NUP214: variants seen among roughly 807,000 people sequenced by gnomAD.
NUP214 encodes the protein nucleoporin 214.
In NUP214, 79 loss-of-function variants were observed where a neutral mutation model predicts 196.2. That is an observed-to-expected ratio of 0.40 (90% CI 0.34 to 0.49). The LOEUF is 0.49. NUP214 is among the 20% of genes least tolerant of loss of function. The pLI is 0.58. For synonymous variants in NUP214, 1,020 were observed against 990.5 expected (o/e 1.03, Z -0.56); for missense variants, 2,468 against 2,539.0 (o/e 0.97, Z 0.60).
rs564341724 is a variant in NUP214, at chr9:131,222,466, C to A, written c.5750-312C>A. 8 of 227,496 alleles carry A rather than the reference C, an allele frequency of 3.5e-5. No individual in the cohort carries two copies. In the South Asian group the frequency reaches 3.7e-4, roughly 11 times the overall value. 14.1% of individuals were successfully genotyped at this position (227,496 alleles called of 1,614,324 possible). On this transcript the variant is annotated intron_variant, in intron 31 of 35. Coordinates refer to ENST00000359428, the MANE Select transcript of NUP214 (RefSeq NM_005085.4). ...CATTGCTGGGCAGTCTTGACACTTG[C>A]AGGAGCACCCAGTGAGCTTCTACAA...
At chr9:131,213,032 C>T (rs1834289163) in intron 30 of NUP214, among the ~76,000 whole-genome samples, 1 of 152,058 alleles carries the variant, frequency 6.6e-6, no homozygotes, top group Non-Finnish European at 1.5e-5. Flanking sequence ...TGTTTTAAAG[C>T]CTGTTGTTAT....
intron 21 of NUP214, among the ~76,000 whole-genome samples, chr9:131,169,538 A>G (rs1385874999): frequency 6.6e-6 from 1 of 152,238 alleles, no homozygotes; most frequent in Non-Finnish European, 1.5e-5. Flanking sequence ...TTAGTTTTGC[A>G]ATCCCAGTAG....
chr9:131,139,231 T>C (rs1390393719), intron 9 of NUP214, 50 bp from the exon 10 acceptor site: 14 of 1,447,170 alleles, frequency 9.7e-6, no homozygotes, highest in African/African-American at 1.5e-5. Context: ...CCAACATGGC[T>C]TTTTCTTTTT....
chr9:131,130,799 T>C lies in NUP214; in HGVS notation c.626T>C (p.Val209Ala), dbSNP rs1341420314. ...AGCCCCAAAGGAAAGCAGCTGGCAG[T>C]GGGAAAACAGAATGGAACTGTGGTC... is the stretch of plus-strand genomic sequence containing the variant. ...CWSPKGKQLA[V>A]GKQNGTVVQY... Residue 209 changes from valine to alanine, a missense_variant, in exon 5 of 36, where the codon GTG becomes GCG. Transcript: ENST00000359428. 1 of 1,614,068 alleles carries C rather than the reference T, an allele frequency of 6.2e-7. No individual in the cohort carries two copies.
intron 16 of NUP214, among the ~76,000 whole-genome samples, chr9:131,151,463 T>C (rs2133517486): frequency 6.6e-6 from 1 of 152,380 alleles, no homozygotes; most frequent in Non-Finnish European, 1.5e-5. Context: ...TAGCAGTAAT[T>C]ATCTTCACAT....
Position 131,144,581 on chromosome 9 carries a change from C to T in NUP214, c.1596C>T (p.Pro532=), listed in dbSNP as rs535272565. 9.3e-6 allele frequency: 15 copies of T among 1,614,030 alleles called. No individual in the cohort carries two copies. Among genetic ancestry groups the T allele is most frequent in the African/African-American group, 1.3e-5 (1 of 74,942 alleles). ...CCCCTTCTAAAGCCTCCCTAGCCCC[C>T]ACCCCTGCAGCGTCTCCTGTGGCTC... ...FVPPSKASLA[P]TPAASPVAPS... is the part of the protein sequence containing the mutation. Residue 532 remains proline (P), a synonymous_variant, in exon 12 of 36, where the codon CCC becomes CCT. Transcript: ENST00000359428.
At chr9:131,129,615 A>G (rs892461347) in intron 4 of NUP214, 138 bp downstream of exon 4, 5 of 817,792 alleles carry the variant, frequency 6.1e-6, no homozygotes, top group African/African-American at 5.2e-5. Context: ...GATGGAAGGT[A>G]TTCTTTTTTG....
intron 32 of NUP214, among the ~76,000 whole-genome samples, chr9:131,227,741 A>G (rs73543998): frequency 0.057 from 8,636 of 152,102 alleles, 430 homozygotes; most frequent in African/African-American, 0.13. Flanking sequence ...TTTGTCAGCT[A>G]GGTAGGGATT....
At chr9:131,224,779 G>A (rs1316646899) in intron 32 of NUP214, among the ~76,000 whole-genome samples, 1 of 152,170 alleles carries the variant, frequency 6.6e-6, no homozygotes, top group Non-Finnish European at 1.5e-5. Flanking sequence ...CACACACAGT[G>A]CATTGTTTAA....
chr9:131,232,913 G>A lies in NUP214; in HGVS notation c.6240-541G>A, dbSNP rs1303729709. The A allele has an allele frequency of 2.6e-5, 4 of 156,458 alleles. No individual in the cohort carries two copies. Among genetic ancestry groups the A allele is most frequent in the African/African-American group, 4.8e-5 (2 of 41,374 alleles). 9.7% of individuals were successfully genotyped at this position (156,458 alleles called of 1,614,324 possible). A position where few individuals can be genotyped will look rare whatever the true frequency, so the allele number is the denominator to read the frequency against. On this transcript the variant is annotated intron_variant, in intron 35 of 35. Coordinates refer to ENST00000359428, the MANE Select transcript of NUP214 (RefSeq NM_005085.4). This position sits in a 1 kb window ranked among gnomAD's most constrained non-coding sequence, Gnocchi z 5.1. ...TGGTCCCAGCTACTCCAGAAGCTGA[G>A]GCGGGAGGATCACTTGAGCCTGGGA...
chr9:131,184,032 T>C lies in NUP214; in HGVS notation c.3420-3257T>C, dbSNP rs536256504. ...CTTTTTCTTTTTTCTTTTTCTTTTTTTTTTTTTTTTTTTTTTGAGATGGAG... is the reference window on the plus strand; with the variant it reads ...CTTTTTCTTTTTTCTTTTTCTTTTTCTTTTTTTTTTTTTTTTGAGATGGAG... On this transcript the variant is annotated intron_variant, in intron 24 of 35. Coordinates refer to ENST00000359428, the MANE Select transcript of NUP214 (RefSeq NM_005085.4). Among the ~76,000 whole-genome samples the C allele has an allele frequency of 4.3e-3, 599 of 138,310 alleles. 7 individuals carry two copies. The highest frequency in any genetic ancestry group is 0.015 in the African/African-American group (559 of 37,530). 90.7% of individuals were successfully genotyped at this position (138,310 alleles called of 152,430 possible).
chr9:131,200,247 T>C (rs566329529), intron 29 of NUP214, among the ~76,000 whole-genome samples: 10 of 152,244 alleles, frequency 6.6e-5, no homozygotes, highest in African/African-American at 1.9e-4. Flanking sequence ...AGGAATTGAG[T>C]CTTGTCTAAG....
chr9:131,232,265 CT>C lies in NUP214; in HGVS notation c.6215-18del. 1 of 1,614,154 alleles carries C rather than the reference CT, an allele frequency of 6.2e-7. No individual in the cohort carries two copies. Among genetic ancestry groups the C allele is most frequent in the Non-Finnish European group, 8.5e-7 (1 of 1,179,978 alleles). On this transcript the variant is annotated intron_variant, in intron 34 of 35. Transcript: ENST00000359428. This position sits in a 1 kb window ranked among gnomAD's most constrained non-coding sequence, Gnocchi z 5.1. ...CGAGTGGATGCGTGCTTTAACTTCA[CT>C]CTTATTCTGCTTTTCAGGGTTCAGC... is the stretch of plus-strand genomic sequence containing the variant.
chr9:131,144,395 T>G lies in NUP214; in HGVS notation c.1410T>G (p.Phe470Leu). 1.9e-6 allele frequency: 3 copies of G among 1,614,168 alleles called. No individual in the cohort carries two copies. Among genetic ancestry groups the G allele is most frequent in the Non-Finnish European group, 1.7e-6 (2 of 1,180,024 alleles). The change falls in exon 12 of 36, where the codon TTT becomes TTG. Residue 470 changes from phenylalanine to leucine, a missense_variant. Transcript: ENST00000359428. ...PSSPAAPIAT[F>L]SLLPAGGAPT... ...CACCTGCTGCTCCCATTGCCACTTT[T>G]TCTTTGCTTCCTGCTGGTGGAGCCC...
At chr9:131,155,753 T>C (rs1180103309) in intron 17 of NUP214, among the ~76,000 whole-genome samples, 1 of 152,196 alleles carries the variant, frequency 6.6e-6, no homozygotes, top group Admixed American at 6.5e-5. Flanking sequence ...CCCCACTTTA[T>C]GTTTTTTGTT....
intron 27 of NUP214, among the ~76,000 whole-genome samples, chr9:131,194,913 A>G (rs974956821): frequency 6.6e-6 from 1 of 152,126 alleles, no homozygotes; most frequent in South Asian, 2.1e-4. Flanking sequence ...CACATTTGTC[A>G]TGTGTCTCTA....
At chr9:131,171,752 G>A (rs1350342222) in intron 21 of NUP214, among the ~76,000 whole-genome samples, 1 of 151,754 alleles carries the variant, frequency 6.6e-6, no homozygotes, top group Non-Finnish European at 1.5e-5. Flanking sequence ...CCCTTCCTGT[G>A]TCCATGTGTT....
At chr9:131,134,715 C>A (rs912820756) in intron 7 of NUP214, among the ~76,000 whole-genome samples, 183 bp from the exon 8 acceptor site, 2 of 152,052 alleles carry the variant, frequency 1.3e-5, no homozygotes, top group African/African-American at 4.8e-5. Context: ...AAATGCAGTT[C>A]GGTTGATGGC....
At chr9:131,192,522 G>GT in intron 27 of NUP214, 1 of 344,490 alleles carries the variant, frequency 2.9e-6, no homozygotes, top group Non-Finnish European at 5.2e-6. Context: ...TATCTGTTTT[G>GT]TTTTTTAGCC....
Sources: allele counts gnomAD v4.1 joint callset (sites outside exome capture counted in the v4.1 genomes callset), GRCh38; gene constraint gnomAD v4.1.1; non-coding constraint Gnocchi (gnomAD v3.1); transcripts MANE v1.5; gene names NCBI Gene and HGNC (gene_info 2026-07-23, HGNC 2026-07-21).